DPH6: variants seen among roughly 807,000 people sequenced by gnomAD.
The protein encoded by DPH6 is diphthamine biosynthesis 6, also known as diphthine--ammonia ligase.
In DPH6, 33 loss-of-function variants were observed where a neutral mutation model predicts 38.2. That is an observed-to-expected ratio of 0.86 (90% CI 0.65 to 1.15). DPH6 has a LOEUF of 1.15. DPH6 is among the 50% of genes most tolerant of loss of function. The pLI is 0.00. For synonymous variants in DPH6, 108 were observed against 103.0 expected (o/e 1.05, Z -0.30); for missense variants, 325 against 320.0 (o/e 1.02, Z -0.12).
the DPH6 span, among the ~76,000 whole-genome samples, chr15:35,161,387 C>T: frequency 6.6e-6 from 1 of 151,778 alleles, no homozygotes; most frequent in Non-Finnish European, 1.5e-5. Context: ...CCACCTCAAA[C>T]TCTCCCTGAG....
At chr15:35,191,810 C>T in the DPH6 span, among the ~76,000 whole-genome samples, 2 of 152,156 alleles carry the variant, frequency 1.3e-5, no homozygotes, top group African/African-American at 4.8e-5. Flanking sequence ...TAATGAGATA[C>T]CAGAGTCCTC....
At chr15:35,188,874 CAA>C in the DPH6 span, among the ~76,000 whole-genome samples, 1 of 139,500 alleles carries the variant, frequency 7.2e-6, no homozygotes, top group Non-Finnish European at 1.6e-5. Context: ...TAGAGTGCCT[CAA>C]AAAAAAAAAA....
At chr15:35,146,172 A>G in the DPH6 span, among the ~76,000 whole-genome samples, 1 of 152,050 alleles carries the variant, frequency 6.6e-6, no homozygotes, top group African/African-American at 2.4e-5. Flanking sequence ...TATTACTTCA[A>G]TAACATATTA....
At chr15:35,518,765 A>C (rs987703208) in intron 3 of DPH6, among the ~76,000 whole-genome samples, 7 of 151,990 alleles carry the variant, frequency 4.6e-5, no homozygotes, top group African/African-American at 1.7e-4. Context: ...TTCTATATTA[A>C]AAACTTCCTC....
At chr15:35,345,610 T>C (rs1054328240) in intron 3 of DPH6, among the ~76,000 whole-genome samples, 22 of 151,978 alleles carry the variant, frequency 1.4e-4, no homozygotes, top group Non-Finnish European at 2.9e-5. Context: ...ATTATTCATG[T>C]TATATATCAC....
At chr15:35,237,427 C>G in intron 3 of DPH6, 3 of 1,605,624 alleles carry the variant, frequency 1.9e-6, no homozygotes, top group Non-Finnish European at 2.6e-6. Context: ...AAGGCAAACT[C>G]GAAGGCCTCA....
At chr15:35,431,319 T>TA (rs1301856299) in intron 5 of DPH6, among the ~76,000 whole-genome samples, 1 of 152,164 alleles carries the variant, frequency 6.6e-6, no homozygotes, top group African/African-American at 2.4e-5. Flanking sequence ...ATTTTAGTAG[T>TA]AAATCTTTAG....
At chr15:35,168,877 T>G in the DPH6 span, among the ~76,000 whole-genome samples, 2 of 152,124 alleles carry the variant, frequency 1.3e-5, no homozygotes, top group Non-Finnish European at 2.9e-5. Flanking sequence ...AGTTTGTTTC[T>G]GTCACATTTT....
intron 5 of DPH6, among the ~76,000 whole-genome samples, chr15:35,435,943 C>CT (rs992411258): frequency 6.6e-6 from 1 of 151,752 alleles, no homozygotes; most frequent in African/African-American, 2.4e-5. Context: ...CATTTTCCTT[C>CT]TTTTTTTTGG....
chr15:35,301,782 G>T (rs2052055861), intron 3 of DPH6, among the ~76,000 whole-genome samples: 1 of 152,096 alleles, frequency 6.6e-6, no homozygotes, highest in South Asian at 2.1e-4. Context: ...AGACCGGCCT[G>T]GCTAACATGG....
intron 5 of DPH6, among the ~76,000 whole-genome samples, chr15:35,426,049 T>C (rs1204149893): frequency 1.3e-5 from 2 of 151,372 alleles, no homozygotes; most frequent in Non-Finnish European, 1.5e-5. Context: ...TGACTACTGG[T>C]ATTTGTATTT....
downstream of DPH6, among the ~76,000 whole-genome samples, chr15:35,366,328 A>G (rs2052659718): frequency 1.3e-5 from 2 of 151,318 alleles, 1 homozygote; most frequent in South Asian, 4.2e-4. Context: ...CTAGATTTCA[A>G]TCCCCCATTG....
chr15:35,233,969 CT>C (rs1420862008), intron 3 of DPH6, among the ~76,000 whole-genome samples: 12 of 152,132 alleles, frequency 7.9e-5, no homozygotes, highest in African/African-American at 2.9e-4. Context: ...GTATTTATCA[CT>C]CTCAAAAGAT....
chr15:35,458,328 A>G (rs967538939), intron 3 of DPH6, among the ~76,000 whole-genome samples: 1 of 152,116 alleles, frequency 6.6e-6, no homozygotes, highest in African/African-American at 2.4e-5. Flanking sequence ...ACTTCTCAAG[A>G]CTAGCCTACT....
At chr15:35,397,859 T>TTATATATATATATA (rs60188110) in intron 6 of DPH6, among the ~76,000 whole-genome samples, 109 of 112,580 alleles carry the variant, frequency 9.7e-4, no homozygotes, top group African/African-American at 3.9e-3. Context: ...TGGAATCAAT[T>TTATATATATATATA]TATATATATA....
At chr15:35,214,298 T>G (rs2051401978), downstream of DPH6, among the ~76,000 whole-genome samples, 1 of 152,160 alleles carries the variant, frequency 6.6e-6, no homozygotes, top group Non-Finnish European at 1.5e-5. Context: ...GCATTCACAA[T>G]GCCACTAGAA....
At chr15:35,433,051 T>A (rs2053652109) in intron 5 of DPH6, among the ~76,000 whole-genome samples, 1 of 152,132 alleles carries the variant, frequency 6.6e-6, no homozygotes, top group African/African-American at 2.4e-5. Flanking sequence ...AGGGAAGTTG[T>A]GACATAGTGG....
chr15:35,475,803 G>C (rs1015196844), intron 3 of DPH6, among the ~76,000 whole-genome samples: 1 of 151,438 alleles, frequency 6.6e-6, no homozygotes, highest in Non-Finnish European at 1.5e-5. Context: ...AAGAGTGGCC[G>C]AGCAAAGATA....
chr15:35,456,241 AT>A (rs1399521871), intron 3 of DPH6, among the ~76,000 whole-genome samples: 2 of 152,062 alleles, frequency 1.3e-5, no homozygotes, highest in Non-Finnish European at 2.9e-5. Flanking sequence ...AGAGTTCCTT[AT>A]TAAATGTAAA....
Sources: allele counts gnomAD v4.1 joint callset (sites outside exome capture counted in the v4.1 genomes callset), GRCh38; gene constraint gnomAD v4.1.1; transcripts MANE v1.5; gene names NCBI Gene and HGNC (gene_info 2026-07-23, HGNC 2026-07-21).